Variants in MLLT3 observed in about 807,000 individuals in gnomAD.
The protein encoded by MLLT3 is MLLT3 super elongation complex subunit.
A neutral mutation model predicts 53.2 loss-of-function variants in MLLT3; 4 were observed. The observed-to-expected ratio is 0.08, with a 90% CI of 0.04 to 0.17. The LOEUF is 0.17. Ranked by LOEUF, MLLT3 falls within the 10% of genes least tolerant of loss-of-function variation. The pLI, the probability that MLLT3 is intolerant of heterozygous loss-of-function variation, is 1.00. For missense variants in MLLT3, 569 were observed against 684.0 expected (o/e 0.83, Z 1.87); for synonymous variants, 283 against 230.6 (o/e 1.23, Z -2.06).
intron 5 of MLLT3, among the ~76,000 whole-genome samples, chr9:20,369,068 A>G (rs1821526913): frequency 1.3e-5 from 2 of 152,214 alleles, no homozygotes; most frequent in African/African-American, 4.8e-5. Flanking sequence ...GTTGAGGGAC[A>G]TGGGTGAGTG....
chr9:20,494,742 T>C (rs1415239522), intron 2 of MLLT3, among the ~76,000 whole-genome samples: 6 of 152,158 alleles, frequency 3.9e-5, no homozygotes, highest in Non-Finnish European at 8.8e-5. Context: ...ATTTTCTCAA[T>C]ATTGGAATGC....
At position 20,620,842 on chromosome 9, in the gene MLLT3, CA is replaced by C; in HGVS notation, c.13-9del. 6.2e-7 allele frequency: 1 copy of C among 1,614,046 alleles called. No homozygotes were observed. On this transcript the variant is annotated splice_polypyrimidine_tract_variant and intron_variant, in intron 1 of 10. Transcript: ENST00000380338. This position sits in a 1 kb window ranked among gnomAD's most constrained non-coding sequence, Gnocchi z 6.1. ...CTTCACCTGCACGGCACACTGCGGG[CA>C]GGGGGAGGAGAGACAGCCGTGAATA...
intron 2 of MLLT3, among the ~76,000 whole-genome samples, chr9:20,527,050 T>C (rs1818221009): frequency 6.6e-6 from 1 of 152,144 alleles, no homozygotes; most frequent in Non-Finnish European, 1.5e-5. Context: ...GTCCAAAGCT[T>C]TTAATCTATT....
intron 2 of MLLT3, among the ~76,000 whole-genome samples, chr9:20,593,168 G>A (rs763651527): frequency 6.6e-6 from 1 of 152,072 alleles, no homozygotes; most frequent in Admixed American, 6.6e-5. Flanking sequence ...AAAAACAAGG[G>A]CTTCAATATT....
chr9:20,504,062 G>C (rs952550293), intron 2 of MLLT3, among the ~76,000 whole-genome samples: 31 of 152,102 alleles, frequency 2.0e-4, no homozygotes, highest in African/African-American at 5.8e-4. Flanking sequence ...ATTTTTGCAA[G>C]GATATAGAGA....
rs145538375 is a variant in MLLT3, at chr9:20,516,294, C to T, written c.194-59508G>A. ...GATATTGTGACTTTTTTTTTCTAAT[C>T]GCACTCCAATCTGATAGGCAGCCTC... On this transcript the variant is annotated intron_variant, in intron 2 of 10. Coordinates refer to ENST00000380338, the MANE Select transcript of MLLT3 (RefSeq NM_004529.4). Among the ~76,000 whole-genome samples the T allele has an allele frequency of 2.6e-3, 391 of 152,040 alleles. 1 individual carries two copies. The highest frequency in any genetic ancestry group is 8.8e-3 in the African/African-American group (364 of 41,494).
intron 2 of MLLT3, among the ~76,000 whole-genome samples, chr9:20,550,696 G>C (rs1818904691): frequency 6.6e-6 from 1 of 152,126 alleles, no homozygotes; most frequent in African/African-American, 2.4e-5. Context: ...ACTGTGCCCA[G>C]CTGTGTGTAT....
At chr9:20,614,306 A>G (rs1820770705) in intron 2 of MLLT3, among the ~76,000 whole-genome samples, 1 of 152,092 alleles carries the variant, frequency 6.6e-6, no homozygotes, top group African/African-American at 2.4e-5. Context: ...AGGCAGGAGA[A>G]TTAGTTGAAC....
chr9:20,472,754 T>C (rs540533611), intron 2 of MLLT3, among the ~76,000 whole-genome samples: 21 of 152,120 alleles, frequency 1.4e-4, no homozygotes, highest in Non-Finnish European at 2.9e-4. Context: ...AGAAATATCT[T>C]AACTTCTAAA....
intron 2 of MLLT3, among the ~76,000 whole-genome samples, chr9:20,584,137 C>A (rs1819884159): frequency 6.6e-6 from 1 of 152,228 alleles, no homozygotes; most frequent in African/African-American, 2.4e-5. Context: ...TTCCACAAAT[C>A]TCTAAGGCAG....
At chr9:20,607,049 G>C (rs1449676043) in intron 2 of MLLT3, among the ~76,000 whole-genome samples, 2 of 151,930 alleles carry the variant, frequency 1.3e-5, no homozygotes, top group Admixed American at 1.3e-4. Context: ...CTCCAAATAA[G>C]GGCCATTTGT....
chr9:20,441,306 G>C (rs1823545903), intron 4 of MLLT3, among the ~76,000 whole-genome samples: 1 of 152,078 alleles, frequency 6.6e-6, no homozygotes, highest in Non-Finnish European at 1.5e-5. Context: ...GTGACTTTAA[G>C]AAGACATTAA....
At position 20,425,459 on chromosome 9, in the gene MLLT3, A is replaced by G. The variant is rs1369903652; in HGVS notation, c.421-11034T>C. Among the ~76,000 whole-genome samples the G allele has an allele frequency of 2.0e-5, 3 of 152,240 alleles. No homozygotes were observed. In the East Asian group the frequency reaches 5.8e-4, roughly 29 times the overall value. On this transcript the variant is annotated intron_variant, in intron 4 of 10. Coordinates refer to ENST00000380338, the MANE Select transcript of MLLT3 (RefSeq NM_004529.4). The stretch of plus-strand genomic sequence containing the variant: ...CCATGTAAATATCTTCGACTTCACA[A>G]ATGTACTTTATCCTCTTCCTTTTCA...
At chr9:20,377,485 G>C (rs925928090) in intron 5 of MLLT3, among the ~76,000 whole-genome samples, 1 of 151,898 alleles carries the variant, frequency 6.6e-6, no homozygotes, top group African/African-American at 2.4e-5. Flanking sequence ...AATGAATTCA[G>C]GAAATAAAGG....
At chr9:20,563,585 T>C (rs1252219042) in intron 2 of MLLT3, among the ~76,000 whole-genome samples, 3 of 152,138 alleles carry the variant, frequency 2.0e-5, no homozygotes, top group Admixed American at 1.3e-4. Flanking sequence ...TAAGCATAAA[T>C]ACTGCTTTTC....
chr9:20,448,071 T>G lies in MLLT3; in HGVS notation c.420+52A>C. ...GAACTAGTTTGTTTGTTTTTTTTTTTGTTGTTGTTGTTTTTTAATAGGAAT... is the reference window on the plus strand; with the variant it reads ...GAACTAGTTTGTTTGTTTTTTTTTTGGTTGTTGTTGTTTTTTAATAGGAAT... On this transcript the variant is annotated intron_variant, in intron 4 of 10. Transcript: ENST00000380338. This position sits in a 1 kb window ranked among gnomAD's most constrained non-coding sequence, Gnocchi z 4.0. 2 of 1,481,928 alleles carry G rather than the reference T, an allele frequency of 1.3e-6. No homozygotes were observed. Among genetic ancestry groups the G allele is most frequent in the Non-Finnish European group, 1.8e-6 (2 of 1,091,114 alleles). The allele number at this position is 1,481,928 out of a possible 1,614,324, so 91.8% of individuals were successfully genotyped here. A position where few individuals can be genotyped will look rare whatever the true frequency, so the allele number is the denominator to read the frequency against.
chr9:20,448,304 T>G lies in MLLT3; in HGVS notation c.277-38A>C. ...AAAAATTATGAAAGAAAAAAGAGAG[T>G]GAGGCATAAGTGAAATTTTAAAAGC... On this transcript the variant is annotated intron_variant, in intron 3 of 10. Transcript: ENST00000380338. The surrounding 1 kb of genome is among the most constrained non-coding windows in gnomAD (Gnocchi z 4.0). 6.2e-7 allele frequency: 1 copy of G among 1,600,954 alleles called. No individual in the cohort carries two copies. Among genetic ancestry groups the G allele is most frequent in the Non-Finnish European group, 8.5e-7 (1 of 1,173,684 alleles).
intron 2 of MLLT3, among the ~76,000 whole-genome samples, chr9:20,603,253 T>C (rs1361137422): frequency 6.6e-6 from 1 of 152,042 alleles, no homozygotes; most frequent in Non-Finnish European, 1.5e-5. Context: ...ATAAGCCAAC[T>C]CTTATAAGTA....
At chr9:20,347,764 T>C (rs570096865) in intron 10 of MLLT3, among the ~76,000 whole-genome samples, 1 of 152,314 alleles carries the variant, frequency 6.6e-6, no homozygotes, top group South Asian at 2.1e-4. Flanking sequence ...GAGTTGTCTG[T>C]TATTCTCTTT....
Sources: gnomAD v4.1 joint callset for allele counts (sites outside exome capture counted in the v4.1 genomes callset) on GRCh38, gnomAD v4.1.1 for gene constraint, Gnocchi (gnomAD v3.1) non-coding constraint, MANE v1.5 for transcripts, NCBI Gene and HGNC (gene_info 2026-07-23, HGNC 2026-07-21) for gene names.